The following DMD variants were observed in gnomAD, a reference collection of about 807,000 sequenced individuals.
DMD encodes the protein mutant dystrophin.
In DMD, 63 loss-of-function variants were observed where a neutral mutation model predicts 330.1. The ratio of observed to expected loss-of-function variants is 0.19; its 90% CI spans 0.16 to 0.24. DMD has a LOEUF of 0.24. Among genes scored for constraint, DMD ranks in the 10% least tolerant of loss-of-function variants. DMD has a pLI of 1.00. For missense variants in DMD, 3,344 were observed against 2,684.1 expected, an observed-to-expected ratio of 1.25 and a Z score of -5.43; for synonymous variants, 1,223 against 959.8, an observed-to-expected ratio of 1.27 and a Z score of -5.07.
rs763778017 is a variant in DMD at position 33,163,554 on chromosome X, A to ATATATATATATATATATG, written c.31+47727_31+47728insCATATATATATATATATA. The stretch of plus-strand genomic sequence containing the variant: ...CCATCTCAAAAATATATATGTGTGT[A>ATATATATATATATATATG]TATATATATATATATATATATGTAT... On this transcript the variant is annotated intron_variant, in intron 1 of 78. Transcript: ENST00000357033. Among the ~76,000 whole-genome samples the ATATATATATATATATATG allele has an allele frequency of 3.0e-4, 28 of 92,463 alleles. No homozygotes were observed. In the South Asian group the frequency reaches 4.4e-3, roughly 15 times the overall value. 80.3% of individuals were successfully genotyped at this position (92,463 alleles called of 115,157 possible).
chrX:33,322,817 T>C (rs754319171), intron 1 of DMD, among the ~76,000 whole-genome samples: 2 of 112,018 alleles, frequency 1.8e-5, no homozygotes, highest in African/African-American at 6.5e-5. Context: ...CTGTCTATTG[T>C]GATGTAAATA....
At chrX:32,974,946 C>T (rs1189572549) in intron 2 of DMD, among the ~76,000 whole-genome samples, 1 of 111,911 alleles carries the variant, frequency 8.9e-6, no homozygotes, top group Non-Finnish European at 1.9e-5. Context: ...AACATGTTTA[C>T]AGGCATGGGA....
At chrX:32,285,401 G>A (rs759965425) in intron 43 of DMD, among the ~76,000 whole-genome samples, 53 of 111,913 alleles carry the variant, frequency 4.7e-4, no homozygotes, top group Non-Finnish European at 8.8e-4. Flanking sequence ...CCATGGTGGC[G>A]ATATAAGTTT....
rs1324706551 is a variant in DMD, at chrX:31,867,377, T to TTA, written c.7098+7810_7098+7811insTA. On this transcript the variant is annotated intron_variant, in intron 48 of 78. Coordinates refer to ENST00000357033, the MANE Select transcript of DMD (RefSeq NM_004006.3). ...TCATGTGGCCTTCTACATTTATTTT[T>TTA]GAAATCTTTTATTGTCATCTTGGTT... Among the ~76,000 whole-genome samples, 7 of 111,073 alleles carry TTA rather than the reference T, an allele frequency of 6.3e-5. No individual in the cohort carries two copies. In the East Asian group the frequency reaches 1.7e-3, roughly 27 times the overall value.
intron 33 of DMD, among the ~76,000 whole-genome samples, chrX:32,385,172 G>A (rs184736433): frequency 9.0e-6 from 1 of 110,742 alleles, no homozygotes; most frequent in African/African-American, 3.3e-5. Flanking sequence ...TAATGCTCTA[G>A]TAATTAAAAG....
chrX:32,416,336 G>A (rs1308757898), intron 29 of DMD, among the ~76,000 whole-genome samples: 1 of 111,879 alleles, frequency 8.9e-6, no homozygotes, highest in East Asian at 2.8e-4. Flanking sequence ...GAATGTGGGT[G>A]CACTGTTTAC....
chrX:31,569,639 T>C (rs368229848), intron 55 of DMD, among the ~76,000 whole-genome samples: 387 of 97,409 alleles, frequency 4.0e-3, no homozygotes, highest in East Asian at 6.6e-3. Context: ...TACGTATATA[T>C]ATGTATATAC....
At chrX:32,181,689 C>T (rs958905891) in intron 44 of DMD, among the ~76,000 whole-genome samples, 1 of 111,084 alleles carries the variant, frequency 9.0e-6, no homozygotes, top group African/African-American at 3.3e-5. Flanking sequence ...GGAGGCAGAT[C>T]TACAGTGGAA....
chrX:32,018,437 G>A (rs2095783101), intron 44 of DMD, among the ~76,000 whole-genome samples: 1 of 111,256 alleles, frequency 9.0e-6, no homozygotes, highest in Admixed American at 9.6e-5. Flanking sequence ...CAAGTCATTT[G>A]TTTTTTCCTT....
At chrX:32,286,674 G>T (rs1201800488) in intron 43 of DMD, among the ~76,000 whole-genome samples, 1 of 111,808 alleles carries the variant, frequency 8.9e-6, no homozygotes, top group Non-Finnish European at 1.9e-5. Context: ...TGAGACAACT[G>T]AGATTAATGC....
chrX:31,892,311 C>T (rs747688155), intron 47 of DMD, among the ~76,000 whole-genome samples: 5 of 110,689 alleles, frequency 4.5e-5, no homozygotes, highest in African/African-American at 6.6e-5. Flanking sequence ...ACTATTATAC[C>T]CTGTAAATTA....
Position 32,093,678 on chromosome X carries a change from C to T in DMD, c.6438+123238G>A, listed in dbSNP as rs1041090243. Reference sequence around the variant, plus strand: ...TCAAGAAGCATACTATGTAGTATGTCACTTTTGTGCTTTGAGCAAGGAACA... The same window carrying T: ...TCAAGAAGCATACTATGTAGTATGTTACTTTTGTGCTTTGAGCAAGGAACA... On this transcript the variant is annotated intron_variant, in intron 44 of 78. Coordinates refer to ENST00000357033, the MANE Select transcript of DMD (RefSeq NM_004006.3). Among the ~76,000 whole-genome samples, 3 of 111,246 alleles carry T rather than the reference C, an allele frequency of 2.7e-5. No individual in the cohort carries two copies. The East Asian group carries it at 8.5e-4, about 32-fold the overall frequency.
At chrX:31,409,251 G>A (rs5927750) in intron 60 of DMD, among the ~76,000 whole-genome samples, 1 of 112,432 alleles carries the variant, frequency 8.9e-6, no homozygotes, top group East Asian at 2.8e-4. Flanking sequence ...ACTCCCTCCA[G>A]ATGTTCTAAT....
At chrX:33,339,073 C>T (rs1418196854) in intron 1 of DMD, among the ~76,000 whole-genome samples, 1 of 111,056 alleles carries the variant, frequency 9.0e-6, no homozygotes, top group Non-Finnish European at 1.9e-5. Context: ...AGCACACCCC[C>T]TCCCCAAAAT....
Position 32,448,460 on chromosome X carries a change from A to C in DMD, c.3782T>G (p.Leu1261Trp). Reference sequence around the variant, plus strand: ...AGACCAAGAAAAGCAACTGACTTCCAAAGTCTTGCATTTCCCATTCAGCCT... The same window carrying C: ...AGACCAAGAAAAGCAACTGACTTCCCAAGTCTTGCATTTCCCATTCAGCCT... ...CTRLNGKCKT[L>W]EEVWACWHEL... Residue 1261 changes from leucine to tryptophan, a missense_variant, in exon 27 of 79, where the codon TTG becomes TGG. Coordinates refer to ENST00000357033, the MANE Select transcript of DMD (RefSeq NM_004006.3). 1 of 1,208,263 alleles carries C rather than the reference A, an allele frequency of 8.3e-7. No individual in the cohort carries two copies. The highest frequency in any genetic ancestry group is 1.1e-6 in the Non-Finnish European group (1 of 892,911).
At chrX:31,840,593 C>G (rs2093300263) in intron 48 of DMD, among the ~76,000 whole-genome samples, 1 of 95,992 alleles carries the variant, frequency 1.0e-5, no homozygotes, top group Admixed American at 1.2e-4. Flanking sequence ...TTTGTAGCAA[C>G]CCTGCATCAA....
chrX:33,035,245 A>T (rs2094185219), intron 1 of DMD, among the ~76,000 whole-genome samples: 1 of 111,239 alleles, frequency 9.0e-6, no homozygotes, highest in African/African-American at 3.3e-5. Flanking sequence ...TCTGCTCTTC[A>T]TCTCTGTCAC....
At chrX:31,313,208 G>A (rs1417354489) in intron 62 of DMD, among the ~76,000 whole-genome samples, 1 of 109,541 alleles carries the variant, frequency 9.1e-6, no homozygotes, top group Non-Finnish European at 1.9e-5. Flanking sequence ...CAGCCTGCAG[G>A]GAGGTAGAAG....
chrX:32,401,642 G>C (rs1164344656), intron 30 of DMD, among the ~76,000 whole-genome samples: 1 of 111,646 alleles, frequency 9.0e-6, no homozygotes, highest in African/African-American at 3.3e-5. Flanking sequence ...GCAAGACCTA[G>C]TATTTGCTAG....
Sources: allele counts gnomAD v4.1 joint callset (sites outside exome capture counted in the v4.1 genomes callset), GRCh38; gene constraint gnomAD v4.1.1; transcripts MANE v1.5; gene names NCBI Gene and HGNC (gene_info 2026-07-23, HGNC 2026-07-21).